GNL1: variants seen among roughly 807,000 people sequenced by gnomAD.
GNL1 encodes guanine nucleotide-binding protein-like 1.
A neutral mutation model predicts 75.2 loss-of-function variants in GNL1; 21 were observed. That is an observed-to-expected ratio of 0.28 (90% CI 0.20 to 0.40). The LOEUF (loss-of-function observed/expected upper bound fraction) is 0.40. Among genes scored for constraint, GNL1 ranks in the 10% least tolerant of loss-of-function variants. The pLI, the probability that GNL1 is intolerant of heterozygous loss-of-function variation, is 1.00. For synonymous variants in GNL1, 287 were observed against 303.4 expected (o/e 0.95, Z 0.56); for missense variants, 579 against 775.0 (o/e 0.75, Z 3.00).
In GNL1 at chr6:30,546,993, G is replaced by A; in HGVS notation, c.1441+119C>T. On this transcript the variant is annotated intron_variant, in intron 10 of 11. Transcript: ENST00000376621. This position sits in a 1 kb window ranked among gnomAD's most constrained non-coding sequence, Gnocchi z 5.1. ...AAAATCTAGGGGTGAGTGGACAGCA[G>A]CTTCATCAATGGCAGAATCTCTGAG... 1.8e-6 allele frequency: 2 copies of A among 1,126,666 alleles called. No individual in the cohort carries two copies. Among genetic ancestry groups the A allele is most frequent in the East Asian group, 2.3e-5 (1 of 42,726 alleles). 69.8% of individuals were successfully genotyped at this position (1,126,666 alleles called of 1,614,324 possible).
intron 3 of GNL1, 40 bp from the exon 4 acceptor site, chr6:30,554,955 C>T (rs753519592): frequency 3.0e-5 from 48 of 1,611,380 alleles, no homozygotes; most frequent in Non-Finnish European, 3.9e-5. Flanking sequence ...AGGAAATCTT[C>T]AGGATTCAAG....
In GNL1 at chr6:30,547,775, C is replaced by T. The variant is rs1799540070; in HGVS notation, c.1100-245G>A. On this transcript the variant is annotated intron_variant, in intron 8 of 11. Coordinates refer to ENST00000376621, the MANE Select transcript of GNL1 (RefSeq NM_005275.5). The surrounding 1 kb of genome is among the most constrained non-coding windows in gnomAD (Gnocchi z 5.5). The stretch of plus-strand genomic sequence containing the variant: ...ATTTTACAGTGTGGACACCTCCCTA[C>T]CTCAGGGTGGTCAGGATTAAATGAG... 7.2e-6 allele frequency: 4 copies of T among 552,740 alleles called. No homozygotes were observed. The highest frequency in any genetic ancestry group is 1.9e-5 in the African/African-American group (1 of 51,306). The allele number at this position is 552,740 out of a possible 1,614,324, so 34.2% of individuals were successfully genotyped here. A position where few individuals can be genotyped will look rare whatever the true frequency, so the allele number is the denominator to read the frequency against.
Position 30,547,186 on chromosome 6 carries a change from AGGGCCTGCAC to A in GNL1, c.1357_1366del (p.Val453CysfsTer105), listed in dbSNP as rs781609470. On this transcript the variant is annotated frameshift_variant, in exon 10 of 12. Transcript: ENST00000376621. LOFTEE classifies it high-confidence loss of function. The surrounding 1 kb of genome is among the most constrained non-coding windows in gnomAD (Gnocchi z 5.5). ...AGCCTCTGGGTGGCGCAGGTGGAGC[AGGGCCTGCAC>A]GGGAATTCGGGAGGCCAGGTAGCCC... 6.2e-7 allele frequency: 1 copy of A among 1,613,114 alleles called. No homozygotes were observed. Among genetic ancestry groups the A allele is most frequent in the South Asian group, 1.1e-5 (1 of 91,070 alleles).
Position 30,556,431 on chromosome 6 carries a change from G to A in GNL1, c.-228C>T, listed in dbSNP as rs1241817850. 1 of 594,826 alleles carries A rather than the reference G, an allele frequency of 1.7e-6. No homozygotes were observed. Among genetic ancestry groups the A allele is most frequent in the South Asian group, 2.0e-5 (1 of 50,692 alleles). The allele number at this position is 594,826 out of a possible 1,614,324, so 36.8% of individuals were successfully genotyped here. ...GAGCGAGGCGAGAGGATGATGCGGG[G>A]TGGGCTACTGGCACGTGAGAGCCAG... On this transcript the variant is annotated 5_prime_UTR_variant, in exon 1 of 12. Coordinates refer to ENST00000376621, the MANE Select transcript of GNL1 (RefSeq NM_005275.5). The surrounding 1 kb of genome is among the most constrained non-coding windows in gnomAD (Gnocchi z 5.7).
In GNL1 at chr6:30,547,353, T is replaced by A. The variant is rs753129144; in HGVS notation, c.1277A>T (p.Gln426Leu). The change falls in exon 9 of 12, where the codon CAG becomes CTG. Residue 426 changes from glutamine to leucine, a missense_variant and splice_region_variant. Physicochemically the swap from Gln to Leu is moderately radical, Grantham distance 113 (BLOSUM62 -2). Coordinates refer to ENST00000376621, the MANE Select transcript of GNL1 (RefSeq NM_005275.5). This position sits in a 1 kb window ranked among gnomAD's most constrained non-coding sequence, Gnocchi z 5.5. The part of the protein sequence containing the change: ...IFPSLLPRQL[Q>L]VLAGIYPIAQ... ...CCTTACCCACCCTCCCCGTCATACC[T>A]GCAACTGCCTAGGCAGAAGAGATGG... is the stretch of plus-strand genomic sequence containing the variant. 1.5e-5 allele frequency: 24 copies of A among 1,599,246 alleles called. No individual in the cohort carries two copies. Among genetic ancestry groups the A allele is most frequent in the Non-Finnish European group, 1.9e-5 (22 of 1,171,678 alleles).
chr6:30,551,334 G>C (rs1365896760), intron 8 of GNL1, among the ~76,000 whole-genome samples: 2 of 152,158 alleles, frequency 1.3e-5, no homozygotes, highest in African/African-American at 4.8e-5. Flanking sequence ...ACTGGAAAGA[G>C]GAGCAATCAC....
chr6:30,550,432 C>A (rs892523718), intron 8 of GNL1, among the ~76,000 whole-genome samples: 3 of 152,100 alleles, frequency 2.0e-5, no homozygotes, highest in African/African-American at 7.3e-5. Context: ...CAACTGCAAG[C>A]CATCAGCGAT....
At position 30,543,349 on chromosome 6, in the gene GNL1, C is replaced by CT. The variant is rs113284811; in HGVS notation, c.*2722dup. The CT allele has an allele frequency of 4.9e-3, 744 of 151,680 alleles. 8 individuals are homozygous for CT. The highest frequency in any genetic ancestry group is 0.016 in the African/African-American group (679 of 41,340). The allele number at this position is 151,680 out of a possible 1,614,324, so 9.4% of individuals were successfully genotyped here. A position where few individuals can be genotyped will look rare whatever the true frequency, so the allele number is the denominator to read the frequency against. On this transcript the variant is annotated 3_prime_UTR_variant, in exon 12 of 12. Coordinates refer to ENST00000376621, the MANE Select transcript of GNL1 (RefSeq NM_005275.5). ...CACCCTTCTCCCAGAACTTATCACA[C>CT]TTTTTTTTTGTAATTGTGTTTCCAT... is the stretch of plus-strand genomic sequence containing the variant.
rs762595195 is a variant in GNL1, at chr6:30,546,655, C to A, written c.1582+41G>T. 1.3e-6 allele frequency: 2 copies of A among 1,540,308 alleles called. No individual in the cohort carries two copies. Among genetic ancestry groups the A allele is most frequent in the South Asian group, 1.2e-5 (1 of 86,290 alleles). ...CACAAAGCCCACACCCTTTTACCTA[C>A]GCTATAGCAGGGGGCTGGGGAAGAA... On this transcript the variant is annotated intron_variant, in intron 11 of 11. Coordinates refer to ENST00000376621, the MANE Select transcript of GNL1 (RefSeq NM_005275.5). The surrounding 1 kb of genome is among the most constrained non-coding windows in gnomAD (Gnocchi z 5.1).
Position 30,555,295 on chromosome 6 carries a change from C to T in GNL1, c.240-104G>A, listed in dbSNP as rs757776464. The T allele has an allele frequency of 7.2e-7, 1 of 1,393,950 alleles. No homozygotes were observed. Among genetic ancestry groups the T allele is most frequent in the South Asian group, 1.3e-5 (1 of 79,862 alleles). The allele number at this position is 1,393,950 out of a possible 1,614,324, so 86.3% of individuals were successfully genotyped here. On this transcript the variant is annotated intron_variant, in intron 2 of 11. Transcript: ENST00000376621. This position sits in a 1 kb window ranked among gnomAD's most constrained non-coding sequence, Gnocchi z 4.3. ...CTTCGCAAACCATTCTCTCCAGAGT[C>T]GTTCAAGTCTCCTCTCTCAAGTCAG...
In GNL1 at chr6:30,552,470, C is replaced by A; in HGVS notation, c.1096G>T (p.Val366Leu). The change falls in exon 8 of 12, where the codon GTG becomes TTG. Residue 366 changes from valine to leucine, a missense_variant. Physicochemically the swap from Val to Leu is conservative, Grantham distance 32. Transcript: ENST00000376621. The surrounding 1 kb of genome is among the most constrained non-coding windows in gnomAD (Gnocchi z 4.5). ...GCACAAGCTGCCACTTCCTTACCCA[C>A]ACAGCCGATGGTCACCACCCCATCC... ...YKDGVVTIGCVGFPNVGKSSL... is the reference protein window; with the variant it reads ...YKDGVVTIGCLGFPNVGKSSL... The A allele has an allele frequency of 6.2e-7, 1 of 1,611,400 alleles. No homozygotes were observed. The highest frequency in any genetic ancestry group is 8.5e-7 in the Non-Finnish European group (1 of 1,178,166).
In GNL1 at chr6:30,555,699, G is replaced by A; in HGVS notation, c.95C>T (p.Ser32Phe). The A allele has an allele frequency of 6.2e-7, 1 of 1,613,560 alleles. No homozygotes were observed. Among genetic ancestry groups the A allele is most frequent in the African/African-American group, 1.3e-5 (1 of 75,038 alleles). Residue 32 changes from serine to phenylalanine, a missense_variant, in exon 2 of 12, where the codon TCC (serine) becomes TTC (phenylalanine). Transcript: ENST00000376621. This position sits in a 1 kb window ranked among gnomAD's most constrained non-coding sequence, Gnocchi z 4.3. Reference sequence around the variant, plus strand: ...GCTCCCGCTGCGGCTGTTGGAACTGGAGCGCAGCCCATCTTGAAGCCCTGC... The same window carrying A: ...GCTCCCGCTGCGGCTGTTGGAACTGAAGCGCAGCCCATCTTGAAGCCCTGC... ...RKRGLQDGLR[S>F]SSNSRSGSRE... is the part of the protein sequence containing the mutation.
At position 30,544,135 on chromosome 6, in the gene GNL1, T is replaced by C. The variant is rs1002778126; in HGVS notation, c.*1937A>G. On this transcript the variant is annotated 3_prime_UTR_variant, in exon 12 of 12. Coordinates refer to ENST00000376621, the MANE Select transcript of GNL1 (RefSeq NM_005275.5). ...TTCTTTTCCTGTTGCTATTATCCTATAGAGTCAGCAAGTCATGGAAGAGGT... is the reference window on the plus strand; with the variant it reads ...TTCTTTTCCTGTTGCTATTATCCTACAGAGTCAGCAAGTCATGGAAGAGGT... 2.0e-5 allele frequency: 3 copies of C among 152,140 alleles called. No homozygotes were observed. The highest frequency in any genetic ancestry group is 6.5e-5 in the Admixed American group (1 of 15,272). The allele number at this position is 152,140 out of a possible 1,614,324, so 9.4% of individuals were successfully genotyped here. A position where few individuals can be genotyped will look rare whatever the true frequency, so the allele number is the denominator to read the frequency against.
At position 30,556,357 on chromosome 6, in the gene GNL1, G is replaced by C; in HGVS notation, c.-154C>G. 2.5e-6 allele frequency: 2 copies of C among 793,414 alleles called. No homozygotes were observed. The allele number at this position is 793,414 out of a possible 1,614,324, so 49.1% of individuals were successfully genotyped here. On this transcript the variant is annotated 5_prime_UTR_variant, in exon 1 of 12. Coordinates refer to ENST00000376621, the MANE Select transcript of GNL1 (RefSeq NM_005275.5). This position sits in a 1 kb window ranked among gnomAD's most constrained non-coding sequence, Gnocchi z 5.7. The stretch of plus-strand genomic sequence containing the variant: ...GGGCGGGCCCGACAGAATTACCGCC[G>C]CGGCGGCGATGGAAGGCGGACGGGG...
chr6:30,554,474 G>A (rs973762915), intron 5 of GNL1, 101 bp downstream of exon 5: 2 of 779,666 alleles, frequency 2.6e-6, no homozygotes, highest in Admixed American at 1.7e-5. Context: ...TAGAAAGACA[G>A]GAAGATAGAT....
intron 5 of GNL1, 102 bp from the exon 6 acceptor site, chr6:30,553,659 G>A: frequency 2.6e-6 from 2 of 774,770 alleles, no homozygotes; most frequent in South Asian, 1.5e-5. Context: ...CAAGGCCCTG[G>A]TGGTAGCAGA....
In GNL1 at chr6:30,546,428, CA is replaced by C. The variant is rs1419053006; in HGVS notation, c.1583-116del. On this transcript the variant is annotated intron_variant, in intron 11 of 11. Transcript: ENST00000376621. This position sits in a 1 kb window ranked among gnomAD's most constrained non-coding sequence, Gnocchi z 5.1. ...TAACAATAATCTTTAGAGCTGCTGG[CA>C]TTCATTCATTCATCCATTCATTCAA... 1.4e-6 allele frequency: 1 copy of C among 710,450 alleles called. No homozygotes were observed. The highest frequency in any genetic ancestry group is 2.4e-6 in the Non-Finnish European group (1 of 416,724). 44.0% of individuals were successfully genotyped at this position (710,450 alleles called of 1,614,324 possible).
In GNL1 at chr6:30,555,410, G is replaced by T. The variant is rs1800086193; in HGVS notation, c.239+145C>A. On this transcript the variant is annotated intron_variant, in intron 2 of 11. Transcript: ENST00000376621. The surrounding 1 kb of genome is among the most constrained non-coding windows in gnomAD (Gnocchi z 4.3). ...CAGCCCCTCTGGAAAGGAAGACTGT[G>T]GCCCGCTGTGGGGAGCCGAGTGGCT... The T allele has an allele frequency of 4.1e-6, 4 of 979,916 alleles. No homozygotes were observed. Among genetic ancestry groups the T allele is most frequent in the Non-Finnish European group, 6.1e-6 (4 of 651,690 alleles). 60.7% of individuals were successfully genotyped at this position (979,916 alleles called of 1,614,324 possible). A position where few individuals can be genotyped will look rare whatever the true frequency, so the allele number is the denominator to read the frequency against.
chr6:30,553,037 T>C, intron 7 of GNL1, 47 bp downstream of exon 7: 4 of 1,260,900 alleles, frequency 3.2e-6, no homozygotes, highest in Admixed American at 1.9e-5. Context: ...TCTGCATCTT[T>C]GGTCTCCCCC....
Sources: gnomAD v4.1 joint callset for allele counts (sites outside exome capture counted in the v4.1 genomes callset) on GRCh38, gnomAD v4.1.1 for gene constraint, Gnocchi (gnomAD v3.1) non-coding constraint, MANE v1.5 for transcripts, NCBI Gene and HGNC (gene_info 2026-07-23, HGNC 2026-07-21) for gene names.